Variants in CNTNAP5 observed in about 807,000 individuals in gnomAD.
The protein encoded by CNTNAP5 is contactin associated protein family member 5.
CNTNAP5 carries 72 observed loss-of-function variants against 150.2 expected under a neutral mutation model. The observed-to-expected ratio is 0.48, with a 90% CI of 0.40 to 0.58. The LOEUF (loss-of-function observed/expected upper bound fraction) is 0.58. Among genes scored for constraint, CNTNAP5 ranks in the 20% least tolerant of loss-of-function variants. The pLI is 0.00. For synonymous variants in CNTNAP5, 672 were observed against 619.8 expected (o/e 1.08, Z -1.25); for missense variants, 1,636 against 1,626.2 (o/e 1.01, Z -0.10).
intron 16 of CNTNAP5, among the ~76,000 whole-genome samples, chr2:124,767,219 C>G (rs1390484534): frequency 6.6e-6 from 1 of 152,154 alleles, no homozygotes; most frequent in Non-Finnish European, 1.5e-5. Flanking sequence ...CTAAAACTAT[C>G]TGAGCAGCAG....
intron 6 of CNTNAP5, among the ~76,000 whole-genome samples, chr2:124,472,144 CA>C (rs1693532683): frequency 6.6e-6 from 1 of 151,924 alleles, no homozygotes; most frequent in South Asian, 2.1e-4. Context: ...AAATGGAACA[CA>C]AGAGTGGTTC....
At chr2:124,140,349 CA>C (rs899951793) in intron 1 of CNTNAP5, among the ~76,000 whole-genome samples, 10 of 151,802 alleles carry the variant, frequency 6.6e-5, no homozygotes, top group Admixed American at 2.6e-4. Flanking sequence ...CACAGTCAAA[CA>C]AAAAAACAGC....
intron 13 of CNTNAP5, among the ~76,000 whole-genome samples, chr2:124,673,114 T>C (rs999713237): frequency 1.3e-5 from 2 of 152,210 alleles, no homozygotes; most frequent in African/African-American, 4.8e-5. Context: ...TGCTTAATTT[T>C]ATTTGCTAGT....
intron 19 of CNTNAP5, among the ~76,000 whole-genome samples, chr2:124,818,654 C>A (rs981493544): frequency 5.3e-5 from 8 of 152,204 alleles, no homozygotes; most frequent in African/African-American, 1.4e-4. Flanking sequence ...TCTCCTCCCC[C>A]ACTTTCCACT....
At chr2:124,094,829 C>T (rs2104689849) in intron 1 of CNTNAP5, among the ~76,000 whole-genome samples, 1 of 152,234 alleles carries the variant, frequency 6.6e-6, no homozygotes, top group East Asian at 1.9e-4. Context: ...CAGATTGGTG[C>T]TGCTCACTGA....
At chr2:124,620,073 T>C (rs141088101) in intron 12 of CNTNAP5, among the ~76,000 whole-genome samples, 77 of 151,700 alleles carry the variant, frequency 5.1e-4, no homozygotes, top group African/African-American at 1.7e-3. Flanking sequence ...CACACTGCAT[T>C]ATAATGCAGT....
intron 11 of CNTNAP5, among the ~76,000 whole-genome samples, chr2:124,598,995 C>G (rs1482260545): frequency 6.6e-6 from 1 of 152,050 alleles, no homozygotes; most frequent in Non-Finnish European, 1.5e-5. Flanking sequence ...CCTCGCCCTG[C>G]TTCGGCTCAC....
intron 11 of CNTNAP5, among the ~76,000 whole-genome samples, chr2:124,606,368 T>TAA (rs10717686): frequency 6.7e-6 from 1 of 148,916 alleles, no homozygotes; most frequent in African/African-American, 2.4e-5. Context: ...CTTGTAAAAG[T>TAA]AAAAAAAAAA....
chr2:124,792,799 G>T (rs1321093660), intron 18 of CNTNAP5, among the ~76,000 whole-genome samples: 1 of 152,116 alleles, frequency 6.6e-6, no homozygotes, highest in Non-Finnish European at 1.5e-5. Flanking sequence ...TTTTGTGTCT[G>T]ATTTCTTTTA....
chr2:124,300,925 G>T (rs4439965), intron 3 of CNTNAP5, among the ~76,000 whole-genome samples: 1 of 152,152 alleles, frequency 6.6e-6, no homozygotes, highest in South Asian at 2.1e-4. Context: ...AAGCATTCTA[G>T]ATATAATGTA....
At chr2:124,821,671 G>A (rs1185231706) in intron 19 of CNTNAP5, among the ~76,000 whole-genome samples, 1 of 152,076 alleles carries the variant, frequency 6.6e-6, no homozygotes, top group East Asian at 1.9e-4. Context: ...AACTTTAACA[G>A]CTCCACTCGA....
chr2:124,417,500 G>A lies in CNTNAP5; in HGVS notation c.439G>A (p.Val147Met), dbSNP rs755250149. 1 of 1,613,904 alleles carries A rather than the reference G, an allele frequency of 6.2e-7. No homozygotes were observed. The highest frequency in any genetic ancestry group is 8.5e-7 in the Non-Finnish European group (1 of 1,179,872). The change falls in exon 4 of 24, where the codon GTG (valine) becomes ATG (methionine). Residue 147 changes from valine (V) to methionine (M), a missense_variant. Physicochemically the swap from Val to Met is conservative, Grantham distance 21. Coordinates refer to ENST00000682447, the MANE Select transcript of CNTNAP5 (RefSeq NM_001367498.1). ...SVVHHKLLHS[V>M]RARFVRFVPL... ...GGTGCACCACAAGCTATTGCACTCA[G>A]TGAGAGCCCGATTTGTTCGCTTTGT...
chr2:124,351,729 T>G (rs1207522346), intron 3 of CNTNAP5, among the ~76,000 whole-genome samples: 2 of 152,160 alleles, frequency 1.3e-5, no homozygotes, highest in African/African-American at 4.8e-5. Flanking sequence ...ACCTGGGGCA[T>G]TGTATAACAA....
At chr2:124,507,123 C>A (rs777644460) in intron 8 of CNTNAP5, among the ~76,000 whole-genome samples, 3 of 152,138 alleles carry the variant, frequency 2.0e-5, no homozygotes, top group Middle Eastern at 3.4e-3. Context: ...TTTTATATCA[C>A]CTTGAGATTA....
intron 6 of CNTNAP5, among the ~76,000 whole-genome samples, chr2:124,453,643 G>A (rs567804915): frequency 1.3e-5 from 2 of 152,240 alleles, no homozygotes; most frequent in Admixed American, 1.3e-4. Flanking sequence ...AAAACACCAG[G>A]TAACCTACAA....
At chr2:124,424,402 G>T (rs548510645) in intron 4 of CNTNAP5, among the ~76,000 whole-genome samples, 8 of 152,262 alleles carry the variant, frequency 5.3e-5, no homozygotes, top group Non-Finnish European at 1.0e-4. Flanking sequence ...TGGGGCATTG[G>T]CAGTCCAATG....
intron 21 of CNTNAP5, among the ~76,000 whole-genome samples, chr2:124,883,209 A>G (rs1678003710): frequency 6.6e-6 from 1 of 151,806 alleles, no homozygotes; most frequent in African/African-American, 2.4e-5. Flanking sequence ...AGACAAGGTC[A>G]TACTGCCAAG....
At chr2:124,149,403 C>CAAAAAAAAA (rs71394025) in intron 1 of CNTNAP5, among the ~76,000 whole-genome samples, 2 of 82,776 alleles carry the variant, frequency 2.4e-5, no homozygotes, top group Non-Finnish European at 4.4e-5. Flanking sequence ...GCGTCAATTG[C>CAAAAAAAAA]AAAAAAAAAA....
chr2:124,784,272 A>G (rs1030732386), intron 17 of CNTNAP5, among the ~76,000 whole-genome samples: 2 of 152,202 alleles, frequency 1.3e-5, no homozygotes, highest in African/African-American at 4.8e-5. Flanking sequence ...TCTGAAAATC[A>G]GTTTTGCTGG....
Sources: gnomAD v4.1 joint callset for allele counts (sites outside exome capture counted in the v4.1 genomes callset) on GRCh38, gnomAD v4.1.1 for gene constraint, MANE v1.5 for transcripts, NCBI Gene and HGNC (gene_info 2026-07-23, HGNC 2026-07-21) for gene names.